Variants in BCAS3 observed in about 807,000 individuals in gnomAD.
BCAS3 encodes BCAS3 microtubule associated cell migration factor.
A neutral mutation model predicts 116.1 loss-of-function variants in BCAS3; 53 were observed. That is an observed-to-expected ratio of 0.46 (90% confidence interval 0.37 to 0.57). BCAS3 has a LOEUF of 0.57. Ranked by LOEUF, BCAS3 falls within the 20% of genes least tolerant of loss-of-function variation. The pLI, the probability that BCAS3 is intolerant of heterozygous loss-of-function variation, is 0.00. For missense variants in BCAS3, 917 were observed against 1,165.4 expected (o/e 0.79, Z 3.10); for synonymous variants, 391 against 408.2 (o/e 0.96, Z 0.51).
chr17:60,902,811 C>A, intron 11 of BCAS3, 108 bp downstream of exon 11: 1 of 885,672 alleles, frequency 1.1e-6, no homozygotes, highest in Non-Finnish European at 1.8e-6. Flanking sequence ...TTGTACTTAT[C>A]CAATTTTAAA....
chr17:60,874,221 C>T (rs1397569714), intron 8 of BCAS3, among the ~76,000 whole-genome samples: 1 of 151,538 alleles, frequency 6.6e-6, no homozygotes, highest in African/African-American at 2.4e-5. Context: ...CTCACACCAC[C>T]ACACCTGGCT....
chr17:60,757,800 T>C (rs934463608), intron 6 of BCAS3, among the ~76,000 whole-genome samples: 10 of 152,170 alleles, frequency 6.6e-5, no homozygotes, highest in Admixed American at 4.6e-4. Flanking sequence ...TATAGTTGTC[T>C]GTGCTTTTGA....
At chr17:61,148,956 C>A (rs2077394128) in intron 22 of BCAS3, among the ~76,000 whole-genome samples, 1 of 152,196 alleles carries the variant, frequency 6.6e-6, no homozygotes, top group African/African-American at 2.4e-5. Context: ...TTGATTGTAA[C>A]ATGAAGATAA....
At chr17:61,046,762 C>T (rs1163379484) in intron 19 of BCAS3, among the ~76,000 whole-genome samples, 1 of 151,834 alleles carries the variant, frequency 6.6e-6, no homozygotes, top group Non-Finnish European at 1.5e-5. Context: ...CTAATACAAA[C>T]TTCACAAATG....
intron 14 of BCAS3, 113 bp downstream of exon 14, chr17:60,947,465 C>G: frequency 8.2e-7 from 1 of 1,213,360 alleles, no homozygotes; most frequent in Non-Finnish European, 1.1e-6. Context: ...GAAAATATTG[C>G]TGTCTGTGAT....
Position 61,211,059 on chromosome 17 carries a change from T to TG in BCAS3, c.2425+126498dup, listed in dbSNP as rs1467220634. 2.0e-5 allele frequency among the ~76,000 whole-genome samples: 3 copies of TG among 151,866 alleles called. No homozygotes were observed. The highest frequency in any genetic ancestry group is 7.3e-5 in the African/African-American group (3 of 41,316). On this transcript the variant is annotated intron_variant, in intron 22 of 23. Coordinates refer to ENST00000407086, the MANE Select transcript of BCAS3 (RefSeq NM_017679.5). This position sits in a 1 kb window ranked among gnomAD's most constrained non-coding sequence, Gnocchi z 4.4. ...CTTCCCCAAGCTAGGGTCCCAGCGCTGGGTGGGGGACAGGAGAAAAGGCCT... is the reference window on the plus strand; with the variant it reads ...CTTCCCCAAGCTAGGGTCCCAGCGCTGGGGTGGGGGACAGGAGAAAAGGCCT...
At chr17:60,890,016 T>C (rs2057025172) in intron 10 of BCAS3, among the ~76,000 whole-genome samples, 1 of 152,250 alleles carries the variant, frequency 6.6e-6, no homozygotes, top group Admixed American at 6.5e-5. Flanking sequence ...TGGTTTTATA[T>C]AGAGAACTTC....
rs148241848 is a variant in BCAS3, at chr17:60,726,021, G to A, written c.321+16696G>A. 7.2e-3 allele frequency among the ~76,000 whole-genome samples: 1,089 copies of A among 151,822 alleles called. 18 individuals are homozygous for A. The highest frequency in any genetic ancestry group is 0.025 in the African/African-American group (1,032 of 41,392). On this transcript the variant is annotated intron_variant, in intron 5 of 23. Coordinates refer to ENST00000407086, the MANE Select transcript of BCAS3 (RefSeq NM_017679.5). Reference sequence around the variant, plus strand: ...AGCGATTCTCCTGCCTCAGCCTCCCGAGTAGCTGGGATTACAGGCATGCAC... The same window carrying A: ...AGCGATTCTCCTGCCTCAGCCTCCCAAGTAGCTGGGATTACAGGCATGCAC...
intron 1 of BCAS3, among the ~76,000 whole-genome samples, chr17:60,678,512 T>A (rs1232450897): frequency 6.6e-6 from 1 of 152,114 alleles, no homozygotes; most frequent in Non-Finnish European, 1.5e-5. Flanking sequence ...AAAATCTCAG[T>A]GATTCAGAGG....
rs761240691 is a variant in BCAS3 at position 61,026,549 on chromosome 17, AACTTAT to A, written c.1638-8114_1638-8109del. On this transcript the variant is annotated intron_variant, in intron 16 of 23. Coordinates refer to ENST00000407086, the MANE Select transcript of BCAS3 (RefSeq NM_017679.5). This position sits in a 1 kb window ranked among gnomAD's most constrained non-coding sequence, Gnocchi z 5.0. ...TCTTCTCCATCTGGTTATTCCATTT[AACTTAT>A]ACCTTGTTTTAAAGGGCTTCAGCAG... Among the ~76,000 whole-genome samples the A allele has an allele frequency of 2.8e-4, 43 of 152,120 alleles. 1 individual carries two copies. The highest frequency in any genetic ancestry group is 5.9e-4 in the Admixed American group (9 of 15,250).
At chr17:60,947,729 A>G (rs2060590203) in intron 14 of BCAS3, among the ~76,000 whole-genome samples, 1 of 152,210 alleles carries the variant, frequency 6.6e-6, no homozygotes, top group African/African-American at 2.4e-5. Context: ...ATACACACAC[A>G]TATACATATA....
chr17:61,209,233 A>G (rs75550871), intron 22 of BCAS3, among the ~76,000 whole-genome samples: 1,957 of 151,942 alleles, frequency 0.013, 45 homozygotes, highest in African/African-American at 0.044. Flanking sequence ...TGGCTTGCTT[A>G]CAGTGGACTG....
chr17:61,267,024 T>C (rs2049782301), intron 22 of BCAS3, among the ~76,000 whole-genome samples: 1 of 152,214 alleles, frequency 6.6e-6, no homozygotes, highest in Non-Finnish European at 1.5e-5. Flanking sequence ...GTCCCCTTTC[T>C]ACCAGGATAG....
intron 22 of BCAS3, among the ~76,000 whole-genome samples, chr17:61,238,784 C>G (rs2083264601): frequency 6.6e-6 from 1 of 152,030 alleles, no homozygotes; most frequent in Non-Finnish European, 1.5e-5. Flanking sequence ...TTGATATACT[C>G]TGTTATTGTA....
chr17:61,289,777 A>G (rs1305357029), intron 22 of BCAS3, among the ~76,000 whole-genome samples: 2 of 152,208 alleles, frequency 1.3e-5, no homozygotes, highest in Non-Finnish European at 2.9e-5. Flanking sequence ...GGCTAAAAGG[A>G]TTTAGAAAGT....
Position 61,128,047 on chromosome 17 carries a change from T to G in BCAS3, c.2425+43483T>G. The G allele has an allele frequency of 3.6e-6, 1 of 280,788 alleles. No individual in the cohort carries two copies. Among genetic ancestry groups the G allele is most frequent in the Non-Finnish European group, 5.4e-6 (1 of 186,016 alleles). 17.4% of individuals were successfully genotyped at this position (280,788 alleles called of 1,614,324 possible). ...CAGCAAAGAACACCACAATTCCCAT[T>G]GAGCTCAGAAAATGTGATTAAGGAG... is the stretch of plus-strand genomic sequence containing the variant. On this transcript the variant is annotated intron_variant, in intron 22 of 23. Transcript: ENST00000407086. This position sits in a 1 kb window ranked among gnomAD's most constrained non-coding sequence, Gnocchi z 4.1.
intron 6 of BCAS3, among the ~76,000 whole-genome samples, chr17:60,807,752 A>C (rs2048411576): frequency 6.6e-6 from 1 of 151,736 alleles, no homozygotes; most frequent in South Asian, 2.1e-4. Context: ...ACTGCACTCC[A>C]GCCTGGGTGA....
intron 23 of BCAS3, chr17:61,384,575 C>T (rs1383577858): frequency 6.6e-6 from 1 of 152,256 alleles, no homozygotes; most frequent in Non-Finnish European, 1.5e-5. Context: ...CTCCCTGGGC[C>T]ATCCACAGGG....
intron 15 of BCAS3, among the ~76,000 whole-genome samples, chr17:60,997,408 G>C (rs1343154612): frequency 6.6e-6 from 1 of 152,204 alleles, no homozygotes; most frequent in Non-Finnish European, 1.5e-5. Context: ...CTTTCAGGGA[G>C]GATTGATGTA....
Sources: gnomAD v4.1 joint callset for allele counts (sites outside exome capture counted in the v4.1 genomes callset) on GRCh38, gnomAD v4.1.1 for gene constraint, Gnocchi (gnomAD v3.1) non-coding constraint, MANE v1.5 for transcripts, NCBI Gene and HGNC (gene_info 2026-07-23, HGNC 2026-07-21) for gene names.